NFILZ: variants seen among roughly 807,000 people sequenced by gnomAD.
The protein encoded by NFILZ is NFIL3 like basic leucine zipper, also known as NFIL3 like protein.
chr19:8,674,299 G>GAA (rs1179029730), intron 3 of NFILZ, among the ~76,000 whole-genome samples: 10 of 152,284 alleles, frequency 6.6e-5, no homozygotes, highest in African/African-American at 2.4e-4. Context: ...GTGAGCAGAT[G>GAA]AAAGACCTTC....
intron 3 of NFILZ, among the ~76,000 whole-genome samples, chr19:8,656,776 C>G (rs1555748566): frequency 1.3e-5 from 2 of 152,176 alleles, no homozygotes; most frequent in African/African-American, 4.8e-5. Context: ...GTGTGTGTAG[C>G]AGGGAACTGA....
chr19:8,668,735 C>T (rs562167050), intron 3 of NFILZ, among the ~76,000 whole-genome samples: 1 of 152,144 alleles, frequency 6.6e-6, no homozygotes, highest in African/African-American at 2.4e-5. Context: ...TTGGGCATCT[C>T]TGCTTTGGTC....
intron 3 of NFILZ, among the ~76,000 whole-genome samples, chr19:8,647,579 C>T (rs916478634): frequency 6.8e-6 from 1 of 147,494 alleles, no homozygotes; most frequent in East Asian, 2.4e-4. Context: ...TCCCCGCACC[C>T]CCCCCCCCAA....
At chr19:8,635,054 A>G (rs1600137650) in intron 2 of NFILZ, among the ~76,000 whole-genome samples, 2 of 152,154 alleles carry the variant, frequency 1.3e-5, no homozygotes, top group African/African-American at 4.8e-5. Context: ...TCACACTTGT[A>G]ATCCTAGCAC....
At chr19:8,636,597 A>G (rs1555746123) in intron 3 of NFILZ, among the ~76,000 whole-genome samples, 3 of 151,038 alleles carry the variant, frequency 2.0e-5, no homozygotes. Flanking sequence ...GGCATGCACC[A>G]TCATGCCCAG....
intron 3 of NFILZ, among the ~76,000 whole-genome samples, chr19:8,663,744 G>GTT (rs1555749450): frequency 8.2e-5 from 10 of 121,880 alleles, no homozygotes; most frequent in East Asian, 2.6e-3. Context: ...GTGTGTGTGT[G>GTT]TGTGTGTGTG....
intron 3 of NFILZ, 144 bp downstream of exon 3, chr19:8,635,890 G>A (rs2042892142): frequency 6.6e-6 from 1 of 152,076 alleles, no homozygotes; most frequent in Non-Finnish European, 1.5e-5. Flanking sequence ...AAACTGGAGT[G>A]CAATGGTGCA....
Position 8,636,445 on chromosome 19 carries a change from CT to C in NFILZ, c.-164+716del, listed in dbSNP as rs1191329112. Among the ~76,000 whole-genome samples the C allele has an allele frequency of 7.5e-3, 783 of 104,328 alleles. 10 individuals carry two copies. The highest frequency in any genetic ancestry group is 0.026 in the African/African-American group (739 of 28,412). The allele number at this position is 104,328 out of a possible 152,430, so 68.4% of individuals were successfully genotyped here. On this transcript the variant is annotated intron_variant, in intron 3 of 5. Coordinates refer to ENST00000691075, the MANE Select transcript of NFILZ (RefSeq NM_001378600.1). ...CCTGGGCAACACAGCGAGACTCCAT[CT>C]TTTTTTTTTTTTTTTTGAAACAGAG...
At chr19:8,637,367 A>G (rs2042899238) in intron 3 of NFILZ, among the ~76,000 whole-genome samples, 1 of 151,916 alleles carries the variant, frequency 6.6e-6, no homozygotes, top group African/African-American at 2.4e-5. Flanking sequence ...AACCTTAAAC[A>G]CAAAGTTACC....
At chr19:8,652,158 G>A (rs10407274) in intron 3 of NFILZ, among the ~76,000 whole-genome samples, 2,361 of 150,138 alleles carry the variant, frequency 0.016, 62 homozygotes, top group African/African-American at 0.056. Context: ...GCTGGAGTGC[G>A]GTGGCGCGAT....
chr19:8,650,948 C>T (rs782813913), intron 3 of NFILZ, among the ~76,000 whole-genome samples: 152,150 of 152,298 alleles, frequency 1, 76,002 homozygotes, highest in Middle Eastern at 1. Context: ...TCCACATAAG[C>T]GGATTTAATT....
In NFILZ at chr19:8,678,151, G is replaced by GTTCA. The variant is rs2043125246; in HGVS notation, c.*517_*518insTCAT. On this transcript the variant is annotated 3_prime_UTR_variant, in exon 6 of 6. Transcript: ENST00000691075. The stretch of plus-strand genomic sequence containing the variant: ...CCTCCATCCATTCATCCACTTGTCC[G>GTTCA]TCCATCCATCCATCCATCCATCCAT... Among the ~76,000 whole-genome samples, 1 of 48,970 alleles carries GTTCA rather than the reference G, an allele frequency of 2.0e-5. No individual in the cohort carries two copies. Among genetic ancestry groups the GTTCA allele is most frequent in the Non-Finnish European group, 3.7e-5 (1 of 26,740 alleles). 32.1% of individuals were successfully genotyped at this position (48,970 alleles called of 152,430 possible). A position where few individuals can be genotyped will look rare whatever the true frequency, so the allele number is the denominator to read the frequency against.
At chr19:8,632,953 C>G (rs1336412389) in intron 2 of NFILZ, among the ~76,000 whole-genome samples, 1 of 150,718 alleles carries the variant, frequency 6.6e-6, no homozygotes, top group Admixed American at 6.6e-5. Context: ...AAACTCTTGA[C>G]CTCAGGTGAT....
At chr19:8,655,115 T>C (rs945301154) in intron 3 of NFILZ, among the ~76,000 whole-genome samples, 7 of 152,160 alleles carry the variant, frequency 4.6e-5, no homozygotes, top group Non-Finnish European at 1.5e-5. Flanking sequence ...ATGCCTCAGT[T>C]TCCCCTGATG....
chr19:8,666,052 T>G (rs1403889327), intron 3 of NFILZ, among the ~76,000 whole-genome samples: 1 of 152,030 alleles, frequency 6.6e-6, no homozygotes, highest in Non-Finnish European at 1.5e-5. Context: ...CACCTTTTTT[T>G]TTTTGTCCTT....
At chr19:8,665,905 C>T (rs1275545041) in intron 3 of NFILZ, among the ~76,000 whole-genome samples, 3 of 152,180 alleles carry the variant, frequency 2.0e-5, no homozygotes, top group Non-Finnish European at 4.4e-5. Context: ...ATCTTACACT[C>T]GCTGGAGAGT....
chr19:8,661,765 G>A (rs11882221), intron 3 of NFILZ, among the ~76,000 whole-genome samples: 78,423 of 151,820 alleles, frequency 0.52, 21,286 homozygotes, highest in Non-Finnish European at 0.61. Flanking sequence ...GGTGGCGTGC[G>A]TCTGTAATCC....
chr19:8,678,029 T>TCTCC lies in NFILZ; in HGVS notation c.*394_*395insCTCC, dbSNP rs1249635973. Reference sequence around the variant, plus strand: ...ATTAGTCCCTCCATCCTTATCCATCTATCCATCCATCCATCCATCCATCCA... The same window carrying TCTCC: ...ATTAGTCCCTCCATCCTTATCCATCTCTCCATCCATCCATCCATCCATCCATCCA... On this transcript the variant is annotated 3_prime_UTR_variant, in exon 6 of 6. Transcript: ENST00000691075. 1.2e-5 allele frequency among the ~76,000 whole-genome samples: 1 copy of TCTCC among 83,794 alleles called. No homozygotes were observed. The allele number at this position is 83,794 out of a possible 152,430, so 55.0% of individuals were successfully genotyped here. A position where few individuals can be genotyped will look rare whatever the true frequency, so the allele number is the denominator to read the frequency against.
intron 1 of NFILZ, among the ~76,000 whole-genome samples, chr19:8,631,878 T>C (rs949641951): frequency 6.7e-6 from 1 of 149,812 alleles, no homozygotes; most frequent in South Asian, 2.1e-4. Context: ...TTTGTTTGTT[T>C]GTTTTTTTGA....
Sources: gnomAD v4.1 joint callset for allele counts (sites outside exome capture counted in the v4.1 genomes callset) on GRCh38, gnomAD v4.1.1 for gene constraint, MANE v1.5 for transcripts, NCBI Gene and HGNC (gene_info 2026-07-23, HGNC 2026-07-21) for gene names.